NEBL: variants seen among roughly 807,000 people sequenced by gnomAD.
NEBL encodes the protein LIM and SH3 protein 2.
NEBL carries 122 observed loss-of-function variants against 140.2 expected under a neutral mutation model. That is an observed-to-expected ratio of 0.87 (90% CI 0.75 to 1.01). The LOEUF is 1.01. NEBL is among the 50% of genes least tolerant of loss of function. The pLI is 0.00. For synonymous variants in NEBL, 436 were observed against 398.9 expected (o/e 1.09, Z -1.11); for missense variants, 1,365 against 1,231.3 (o/e 1.11, Z -1.62).
chr10:20,925,952 T>C (rs553559158), intron 4 of NEBL, among the ~76,000 whole-genome samples: 11 of 152,312 alleles, frequency 7.2e-5, no homozygotes, highest in Non-Finnish European at 1.3e-4. Context: ...CAGCTGTCTA[T>C]AGGTGTGGGC....
chr10:21,121,509 T>C (rs527708994), intron 2 of NEBL, among the ~76,000 whole-genome samples: 1 of 152,232 alleles, frequency 6.6e-6, no homozygotes, highest in Admixed American at 6.5e-5. Context: ...CAAGTTGTCA[T>C]AGGAAAAGTC....
rs573440737 is a variant in NEBL at position 21,046,740 on chromosome 10, A to G, written c.165-26539T>C. On this transcript the variant is annotated intron_variant, in intron 2 of 6. Transcript: ENST00000417816. ...CTCAGCCTCCCAAGTAGCTGGGACT[A>G]CAGGGGCCTGCCACCACGCCCGACT... Among the ~76,000 whole-genome samples, 3 of 152,222 alleles carry G rather than the reference A, an allele frequency of 2.0e-5. No individual in the cohort carries two copies. In the South Asian group the frequency reaches 6.2e-4, roughly 32 times the overall value.
intron 16 of NEBL, among the ~76,000 whole-genome samples, chr10:20,829,821 T>C (rs1013235857): frequency 6.6e-6 from 1 of 152,150 alleles, no homozygotes; most frequent in African/African-American, 2.4e-5. Flanking sequence ...TATATCATGG[T>C]TGTAATACTA....
intron 3 of NEBL, among the ~76,000 whole-genome samples, chr10:21,006,168 A>G (rs1339835686): frequency 1.3e-5 from 2 of 152,180 alleles, no homozygotes; most frequent in Non-Finnish European, 2.9e-5. Flanking sequence ...ATCAAAATGT[A>G]ACTCACTATT....
intron 5 of NEBL, among the ~76,000 whole-genome samples, chr10:20,879,720 T>C (rs1845841127): frequency 6.6e-6 from 1 of 152,114 alleles, no homozygotes; most frequent in Non-Finnish European, 1.5e-5. Flanking sequence ...AGGGAGTTTC[T>C]TGACCCAAAA....
At chr10:20,999,156 T>TG (rs374183778) in intron 3 of NEBL, among the ~76,000 whole-genome samples, 1,789 of 128,326 alleles carry the variant, frequency 0.014, 26 homozygotes, top group African/African-American at 0.051. Flanking sequence ...CAGAGGTGTG[T>TG]GGGGGGAAAA....
chr10:21,291,232 G>A (rs768509797), intron 1 of NEBL, among the ~76,000 whole-genome samples: 11 of 152,112 alleles, frequency 7.2e-5, no homozygotes, highest in Admixed American at 2.6e-4. Flanking sequence ...GAGGCCAGGC[G>A]CAGTGGCTCA....
At chr10:21,037,955 C>T (rs1289845282) in intron 2 of NEBL, among the ~76,000 whole-genome samples, 3 of 152,008 alleles carry the variant, frequency 2.0e-5, no homozygotes, top group East Asian at 3.9e-4. Context: ...CCCAGCAGAA[C>T]GAGCAAAAAT....
chr10:21,229,962 A>T (rs1201123964), intron 3 of NEBL, among the ~76,000 whole-genome samples: 1 of 152,110 alleles, frequency 6.6e-6, no homozygotes, highest in Admixed American at 6.5e-5. Flanking sequence ...TGGGGTGGCC[A>T]CTCCGCTAAT....
intron 2 of NEBL, among the ~76,000 whole-genome samples, chr10:21,040,111 C>T (rs559298537): frequency 1.3e-5 from 2 of 152,148 alleles, no homozygotes; most frequent in Non-Finnish European, 2.9e-5. Context: ...CCCACACCTG[C>T]AATCCCAGCA....
Position 21,227,830 on chromosome 10 carries a change from T to C in NEBL, n.348+20091A>G, listed in dbSNP as rs541941185. Among the ~76,000 whole-genome samples, 856 of 150,998 alleles carry C rather than the reference T, an allele frequency of 5.7e-3. 7 individuals carry two copies. The highest frequency in any genetic ancestry group is 0.02 in the African/African-American group (814 of 40,852). ...TCTTCTTCTTGTTCTTCTTCTTCTT[T>C]CTTCTTCTTCTTTCTTCTTCTTTCT... is the stretch of plus-strand genomic sequence containing the variant. On this transcript the variant is annotated intron_variant and non_coding_transcript_variant, in intron 3 of 8. Transcript: ENST00000675702.
chr10:21,277,064 G>A (rs1842933560), intron 1 of NEBL, among the ~76,000 whole-genome samples: 1 of 152,214 alleles, frequency 6.6e-6, no homozygotes, highest in Admixed American at 6.5e-5. Context: ...AGGAGGTCAA[G>A]GCTGCAGTGA....
At chr10:20,898,121 T>C (rs555556744), upstream of NEBL, among the ~76,000 whole-genome samples, 1 of 152,224 alleles carries the variant, frequency 6.6e-6, no homozygotes, top group African/African-American at 2.4e-5. Flanking sequence ...AAATAAACCA[T>C]CACAATATTT....
chr10:20,867,109 A>G (rs1196721542), intron 7 of NEBL, among the ~76,000 whole-genome samples: 1 of 152,120 alleles, frequency 6.6e-6, no homozygotes, highest in Admixed American at 6.5e-5. Context: ...TTAAAAAACT[A>G]TTCTCAGACA....
Position 20,852,539 on chromosome 10 carries a change from G to A in NEBL, c.1008+6C>T. The A allele has an allele frequency of 6.2e-7, 1 of 1,606,274 alleles. No individual in the cohort carries two copies. The highest frequency in any genetic ancestry group is 8.5e-7 in the Non-Finnish European group (1 of 1,174,172). ...GAGGGTAGGTACCGTACGGGCAAGT[G>A]TGTACCTGACTTTGGAGGACGGCAT... On this transcript the variant is annotated splice_donor_region_variant and intron_variant, in intron 10 of 27. Coordinates refer to ENST00000377122, the MANE Select transcript of NEBL (RefSeq NM_006393.3).
At chr10:21,131,205 C>A (rs961060034) in intron 2 of NEBL, among the ~76,000 whole-genome samples, 41 of 152,152 alleles carry the variant, frequency 2.7e-4, no homozygotes, top group African/African-American at 9.4e-4. Flanking sequence ...AATAGACAAT[C>A]TGAAGAAGCC....
intron 2 of NEBL, among the ~76,000 whole-genome samples, chr10:21,044,397 T>TTAAAA (rs1834410312): frequency 8.6e-5 from 3 of 34,870 alleles, no homozygotes; most frequent in Non-Finnish European, 1.4e-4. Context: ...AGAGTAAGAA[T>TTAAAA]AAAAAAAAAA....
chr10:21,168,157 T>A (rs1840872042), intron 2 of NEBL, among the ~76,000 whole-genome samples: 1 of 152,144 alleles, frequency 6.6e-6, no homozygotes, highest in Non-Finnish European at 1.5e-5. Context: ...TCTAAACACA[T>A]GAGAATATAA....
intron 3 of NEBL, among the ~76,000 whole-genome samples, chr10:20,963,362 A>T (rs1836147907): frequency 6.6e-6 from 1 of 152,160 alleles, no homozygotes; most frequent in Admixed American, 6.5e-5. Flanking sequence ...AAAGGATGAC[A>T]AGGTTGGAAT....
Sources: allele counts gnomAD v4.1 joint callset (sites outside exome capture counted in the v4.1 genomes callset), GRCh38; gene constraint gnomAD v4.1.1; transcripts MANE v1.5; gene names NCBI Gene and HGNC (gene_info 2026-07-23, HGNC 2026-07-21).